PES1: variants seen among roughly 807,000 people sequenced by gnomAD.
PES1 encodes the protein pescadillo ribosomal biogenesis factor 1.
PES1 carries 31 observed loss-of-function variants against 77.1 expected under a neutral mutation model. The observed-to-expected ratio is 0.40, with a 90% confidence interval of 0.30 to 0.54. The LOEUF is 0.54. Among genes scored for constraint, PES1 ranks in the 20% least tolerant of loss-of-function variants. The pLI is 0.45. For synonymous variants in PES1, 282 were observed against 303.0 expected (o/e 0.93, Z 0.72); for missense variants, 658 against 771.7 (o/e 0.85, Z 1.75).
At chr22:30,587,052 T>C (rs1343977477) in intron 4 of PES1, 3 of 503,562 alleles carry the variant, frequency 6.0e-6, no homozygotes, top group Non-Finnish European at 7.1e-6. Context: ...TGGATTGTGC[T>C]TCCGCGGGCT....
At chr22:30,589,372 G>C in intron 1 of PES1, 102 bp from the exon 2 acceptor site, 1 of 981,234 alleles carries the variant, frequency 1.0e-6, no homozygotes. Context: ...CTCTGGATAA[G>C]TGGCTGAGAT....
upstream of PES1, among the ~76,000 whole-genome samples, chr22:30,596,756 G>A (rs1471072578): frequency 1.3e-5 from 2 of 152,196 alleles, no homozygotes; most frequent in African/African-American, 2.4e-5. Context: ...GCCCATTCTG[G>A]CCACGCTTGA....
chr22:30,603,164 G>A (rs2087384026), intron 2 of PES1, among the ~76,000 whole-genome samples: 1 of 151,948 alleles, frequency 6.6e-6, no homozygotes, highest in South Asian at 2.1e-4. Context: ...ACCCACCTCG[G>A]CCTCCCAAAG....
Position 30,576,999 on chromosome 22 carries a change from T to A in PES1, c.*47A>T, listed in dbSNP as rs755987362. ...GGTCCTCTGGCCTGCCTCTGCCACATCCAGCTGCTAGGGGCTGGCCTCAGC... is the reference window on the plus strand; with the variant it reads ...GGTCCTCTGGCCTGCCTCTGCCACAACCAGCTGCTAGGGGCTGGCCTCAGC... On this transcript the variant is annotated 3_prime_UTR_variant, in exon 15 of 15. Coordinates refer to ENST00000354694, the MANE Select transcript of PES1 (RefSeq NM_014303.4). 6.6e-7 allele frequency: 1 copy of A among 1,510,766 alleles called. No individual in the cohort carries two copies. The highest frequency in any genetic ancestry group is 1.9e-4 in the Middle Eastern group (1 of 5,390). The allele number at this position is 1,510,766 out of a possible 1,614,324, so 93.6% of individuals were successfully genotyped here.
At chr22:30,580,016 T>C (rs757103008) in intron 11 of PES1, 37 bp downstream of exon 11, 10 of 1,612,290 alleles carry the variant, frequency 6.2e-6, no homozygotes, top group Non-Finnish European at 8.5e-6. Context: ...TGAGACAGGA[T>C]ACCCAGAAAT....
chr22:30,587,226 T>C, intron 4 of PES1, 60 bp downstream of exon 4: 5 of 1,203,388 alleles, frequency 4.2e-6, no homozygotes, highest in Non-Finnish European at 6.2e-6. Flanking sequence ...TCCCTGGTGC[T>C]AGGGCAGAGA....
chr22:30,602,746 T>C lies in PES1; in HGVS notation c.-661+2715A>G, dbSNP rs1043433433. ...CACCTCTTCTTGAAGTTTTATAGTT[T>C]TGTGTTTCATAGTTAGGTCTATTTC... On this transcript the variant is annotated intron_variant, in intron 2 of 16. Transcript: ENST00000402281. 3.3e-5 allele frequency among the ~76,000 whole-genome samples: 5 copies of C among 152,286 alleles called. No homozygotes were observed. In the East Asian group the frequency reaches 9.7e-4, roughly 29 times the overall value.
upstream of PES1, among the ~76,000 whole-genome samples, chr22:30,596,409 G>T (rs530795206): frequency 6.6e-6 from 1 of 151,226 alleles, no homozygotes; most frequent in Admixed American, 6.6e-5. Flanking sequence ...GGTTTCCAAC[G>T]TCTGGGCTCA....
chr22:30,587,443 G>C, intron 3 of PES1, 48 bp from the exon 4 acceptor site: 1 of 1,415,114 alleles, frequency 7.1e-7, no homozygotes, highest in East Asian at 2.3e-5. Flanking sequence ...CAGGTCTCCT[G>C]GACAACTTCT....
chr22:30,594,005 C>T (rs983089780), upstream of PES1, among the ~76,000 whole-genome samples: 1 of 152,116 alleles, frequency 6.6e-6, no homozygotes, highest in Non-Finnish European at 1.5e-5. Flanking sequence ...GGTTTTTAAC[C>T]ATTAGGGCTG....
intron 10 of PES1, 51 bp downstream of exon 10, chr22:30,580,520 A>C (rs2086966656): frequency 1.2e-6 from 2 of 1,608,250 alleles, no homozygotes. Flanking sequence ...CAGGACCCAG[A>C]CCAGAGCATG....
intron 2 of PES1, among the ~76,000 whole-genome samples, chr22:30,599,685 A>G (rs2087324408): frequency 6.6e-6 from 1 of 151,986 alleles, no homozygotes; most frequent in Non-Finnish European, 1.5e-5. Context: ...GGATCACCTG[A>G]GGTTGGGAGA....
At chr22:30,588,787 GAA>G (rs76819746) in intron 2 of PES1, among the ~76,000 whole-genome samples, 4 of 137,930 alleles carry the variant, frequency 2.9e-5, no homozygotes, top group Non-Finnish European at 3.2e-5. Context: ...TGTCTCCGGG[GAA>G]AAAAAAAAAA....
intron 1 of PES1, among the ~76,000 whole-genome samples, chr22:30,590,363 T>C (rs5753220): frequency 0.22 from 33,323 of 152,190 alleles, 4,259 homozygotes; most frequent in East Asian, 0.49. Context: ...CAGGGGCCTC[T>C]TTGGCTAGGT....
At chr22:30,587,417 C>A in intron 3 of PES1, 22 bp from the exon 4 acceptor site, 1 of 1,565,204 alleles carries the variant, frequency 6.4e-7, no homozygotes, top group Non-Finnish European at 8.8e-7. Flanking sequence ...AAAGAAAACA[C>A]CTCAATGCTG....
In PES1 at chr22:30,589,217, C is replaced by T; in HGVS notation, c.78G>A (p.Lys26=). ...TAAAGTCAGCCAAGCTCAGCTGGAG[C>T]TTCTTCCGGGCTTTGTTCCGGGTGA... ...NYITRNKARK[K]LQLSLADFRR... is the part of the protein sequence containing the mutation. Residue 26 remains lysine (K), a synonymous_variant, in exon 2 of 15, where the codon AAG becomes AAA. Coordinates refer to ENST00000354694, the MANE Select transcript of PES1 (RefSeq NM_014303.4). 3.1e-6 allele frequency: 5 copies of T among 1,614,036 alleles called. No individual in the cohort carries two copies. Among genetic ancestry groups the T allele is most frequent in the Non-Finnish European group, 4.2e-6 (5 of 1,179,972 alleles).
At chr22:30,599,127 T>G (rs890822445) in intron 2 of PES1, among the ~76,000 whole-genome samples, 2 of 151,990 alleles carry the variant, frequency 1.3e-5, no homozygotes, top group African/African-American at 4.8e-5. Flanking sequence ...CTCAAACTCC[T>G]GACAAGTGAT....
intron 2 of PES1, among the ~76,000 whole-genome samples, chr22:30,588,392 C>G (rs935164349): frequency 1.3e-5 from 2 of 152,088 alleles, no homozygotes; most frequent in African/African-American, 4.8e-5. Flanking sequence ...TCTGAGATAT[C>G]AACATTTCAG....
intron 14 of PES1, 52 bp from the exon 15 acceptor site, chr22:30,577,181 G>C (rs563781359): frequency 7.0e-6 from 10 of 1,436,108 alleles, no homozygotes; most frequent in South Asian, 2.3e-5. Flanking sequence ...AAGGGAGGGT[G>C]GGGGGCACAG....
Sources: gnomAD v4.1 joint callset for allele counts (sites outside exome capture counted in the v4.1 genomes callset) on GRCh38, gnomAD v4.1.1 for gene constraint, MANE v1.5 for transcripts, NCBI Gene and HGNC (gene_info 2026-07-23, HGNC 2026-07-21) for gene names.